Variants in LMNTD1 observed in about 807,000 individuals in gnomAD.
The protein encoded by LMNTD1 is lamin tail domain containing 1.
LMNTD1 carries 35 observed loss-of-function variants against 50.9 expected under a neutral mutation model. The observed-to-expected ratio is 0.69, with a 90% confidence interval of 0.53 to 0.91. The LOEUF is 0.91. LMNTD1 is among the 40% of genes least tolerant of loss of function. The probability of loss-of-function intolerance (pLI) is 0.00; values close to 1 mark genes in which losing one functional copy is unlikely to be tolerated. For synonymous variants in LMNTD1, 153 were observed against 161.9 expected, an observed-to-expected ratio of 0.94 and a Z score of 0.42; for missense variants, 470 against 475.5, an observed-to-expected ratio of 0.99 and a Z score of 0.11.
At chr12:25,549,663 T>C in intron 2 of LMNTD1, 117 bp from the exon 3 acceptor site, 1 of 487,380 alleles carries the variant, frequency 2.1e-6, no homozygotes, top group South Asian at 4.9e-5. Flanking sequence ...GTAATATGCA[T>C]CCAACACAAG....
chr12:25,575,689 C>CTTT (rs3035947), intron 1 of LMNTD1, among the ~76,000 whole-genome samples: 12 of 150,916 alleles, frequency 8.0e-5, no homozygotes, highest in African/African-American at 2.7e-4. Context: ...GCTCTATTTT[C>CTTT]TTTTTTTTTA....
At chr12:25,520,631 T>C (rs906499865) in intron 6 of LMNTD1, among the ~76,000 whole-genome samples, 2 of 152,230 alleles carry the variant, frequency 1.3e-5, no homozygotes, top group Admixed American at 6.5e-5. Context: ...TTTCCATATC[T>C]TGGCTATTGT....
intron 4 of LMNTD1, among the ~76,000 whole-genome samples, chr12:25,535,942 A>T (rs1291325542): frequency 3.3e-5 from 5 of 151,868 alleles, no homozygotes; most frequent in Non-Finnish European, 5.9e-5. Context: ...TTAATATCAG[A>T]CAAAATATAT....
rs752254082 is a variant in LMNTD1, at chr12:25,553,084, C to T, written c.-46G>A. 2 of 1,613,692 alleles carry T rather than the reference C, an allele frequency of 1.2e-6. No homozygotes were observed. The highest frequency in any genetic ancestry group is 2.2e-5 in the East Asian group (1 of 44,866). ...GTGACCTCACCTGTTAATCCAACTA[C>T]CTTCAAGCATCAGCTAGGTTTAATA... is the stretch of plus-strand genomic sequence containing the variant. On this transcript the variant is annotated 5_prime_UTR_variant, in exon 1 of 10. Coordinates refer to ENST00000458174, the MANE Select transcript of LMNTD1 (RefSeq NM_001145728.2).
chr12:25,611,381 G>A (rs569649017), intron 1 of LMNTD1, among the ~76,000 whole-genome samples: 1 of 152,264 alleles, frequency 6.6e-6, no homozygotes, highest in Middle Eastern at 3.4e-3. Flanking sequence ...GTTTTAGGAG[G>A]GGTTGTTTTG....
chr12:25,610,102 C>T (rs1017784261), intron 1 of LMNTD1, among the ~76,000 whole-genome samples: 1 of 152,150 alleles, frequency 6.6e-6, no homozygotes, highest in African/African-American at 2.4e-5. Context: ...CTATCTTGGA[C>T]TAGCAGTGAG....
chr12:25,619,217 ACTCTCTCTCTCT>A (rs143233739), intron 1 of LMNTD1, among the ~76,000 whole-genome samples: 17,435 of 120,136 alleles, frequency 0.15, 1,432 homozygotes, highest in East Asian at 0.34. Flanking sequence ...ATGCTTTTCA[ACTCTCTCTCTCT>A]CTCTCTCTCT....
At chr12:25,618,451 C>T (rs988222702) in intron 1 of LMNTD1, among the ~76,000 whole-genome samples, 4 of 152,184 alleles carry the variant, frequency 2.6e-5, no homozygotes, top group African/African-American at 7.2e-5. Flanking sequence ...CTTAGTGATA[C>T]TTGCAATACC....
intron 9 of LMNTD1, among the ~76,000 whole-genome samples, chr12:25,488,199 G>A (rs1419153832): frequency 9.3e-5 from 13 of 139,302 alleles, no homozygotes; most frequent in Admixed American, 1.5e-4. Flanking sequence ...GATTGGGGAA[G>A]TTCTCCTGGA....
In LMNTD1 at chr12:25,583,274, G is replaced by C. The variant is rs1193722604; in HGVS notation, c.59-36720C>G. On this transcript the variant is annotated intron_variant, in intron 1 of 7. Coordinates refer to the LMNTD1 transcript ENST00000445693. ...CATCTCCTGACCTCGTGATCCACCC[G>C]CCTCGGCCTCCCAAAGTGTTGGGAT... Among the ~76,000 whole-genome samples the C allele has an allele frequency of 2.0e-5, 3 of 149,758 alleles. No individual in the cohort carries two copies. In the East Asian group the frequency reaches 5.9e-4, roughly 30 times the overall value.
At chr12:25,539,868 C>A (rs1352827516) in intron 4 of LMNTD1, among the ~76,000 whole-genome samples, 2 of 150,536 alleles carry the variant, frequency 1.3e-5, no homozygotes, top group African/African-American at 4.9e-5. Flanking sequence ...ATCAAATAGA[C>A]GCAATAAAAA....
intron 9 of LMNTD1, among the ~76,000 whole-genome samples, chr12:25,489,493 C>A (rs981977251): frequency 1.4e-5 from 2 of 141,682 alleles, no homozygotes; most frequent in East Asian, 2.0e-4. Flanking sequence ...GGCTCGCGCA[C>A]GGTGCGCGCA....
chr12:25,524,439 T>C (rs557128540), intron 6 of LMNTD1, among the ~76,000 whole-genome samples: 51 of 152,350 alleles, frequency 3.3e-4, no homozygotes, highest in Non-Finnish European at 6.0e-4. Flanking sequence ...GGTCTGATTC[T>C]ATATGTGCAA....
intron 1 of LMNTD1, among the ~76,000 whole-genome samples, chr12:25,590,073 G>C (rs952595214): frequency 6.6e-6 from 1 of 152,036 alleles, no homozygotes; most frequent in African/African-American, 2.4e-5. Flanking sequence ...CACAAAAGAA[G>C]CACCTCTATA....
chr12:25,584,088 C>A (rs894447606), intron 1 of LMNTD1, among the ~76,000 whole-genome samples: 9 of 151,994 alleles, frequency 5.9e-5, no homozygotes, highest in African/African-American at 2.4e-5. Flanking sequence ...GCAAAGCTGG[C>A]AGAATTTGCT....
At chr12:25,583,979 G>C (rs1445474893) in intron 1 of LMNTD1, among the ~76,000 whole-genome samples, 1 of 152,176 alleles carries the variant, frequency 6.6e-6, no homozygotes, top group Non-Finnish European at 1.5e-5. Flanking sequence ...GAGAAGATGA[G>C]ACTGCTTCCA....
At chr12:25,611,218 C>T (rs550967094) in intron 1 of LMNTD1, among the ~76,000 whole-genome samples, 8 of 152,160 alleles carry the variant, frequency 5.3e-5, no homozygotes, top group African/African-American at 1.4e-4. Flanking sequence ...ATTTTAATGG[C>T]GTACTGGAGA....
At chr12:25,533,194 G>A (rs1343022317) in intron 4 of LMNTD1, among the ~76,000 whole-genome samples, 1 of 152,090 alleles carries the variant, frequency 6.6e-6, no homozygotes, top group Non-Finnish European at 1.5e-5. Context: ...ATTCACAGAG[G>A]CAGGCTGTTA....
At chr12:25,643,503 C>G (rs1405732419) in intron 1 of LMNTD1, among the ~76,000 whole-genome samples, 1 of 152,170 alleles carries the variant, frequency 6.6e-6, no homozygotes, top group South Asian at 2.1e-4. Flanking sequence ...TTACATATTC[C>G]TTTTTAATAG....
Sources: gnomAD v4.1 joint callset for allele counts (sites outside exome capture counted in the v4.1 genomes callset) on GRCh38, gnomAD v4.1.1 for gene constraint, MANE v1.5 for transcripts, NCBI Gene and HGNC (gene_info 2026-07-23, HGNC 2026-07-21) for gene names.